The following PPFIBP2 variants were observed in gnomAD, a reference collection of about 807,000 sequenced individuals.
The protein encoded by PPFIBP2 is PPFIB scaffold protein 2.
A neutral mutation model predicts 118.3 loss-of-function variants in PPFIBP2; 118 were observed. The ratio of observed to expected loss-of-function variants is 1.00; its 90% confidence interval spans 0.86 to 1.16. The LOEUF (loss-of-function observed/expected upper bound fraction) is 1.16, where lower values mean the gene tolerates loss of function less well. PPFIBP2 is among the 50% of genes most tolerant of loss of function. PPFIBP2 has a pLI of 0.00. For missense variants in PPFIBP2, 1,195 were observed against 1,073.1 expected, an observed-to-expected ratio of 1.11 and a Z score of -1.59; for synonymous variants, 414 against 397.4, an observed-to-expected ratio of 1.04 and a Z score of -0.50.
At position 7,634,497 on chromosome 11, in the gene PPFIBP2, C is replaced by T; in HGVS notation, c.1139C>T (p.Ala380Val). The change falls in exon 13 of 24, where the codon GCT (alanine) becomes GTT (valine). Residue 380 changes from alanine (A) to valine (V), a missense_variant and splice_region_variant. Physicochemically the swap from Ala to Val is moderately conservative, Grantham distance 64. Coordinates refer to ENST00000299492, the MANE Select transcript of PPFIBP2 (RefSeq NM_003621.5). ...TCTTTCTTTTGTGTTTTTTTCAGGG[C>T]TCAGAAAAAGCTCTCTTGTAGTCTA... ...PLPQKSLETR[A>V]QKKLSCSLED... 1 of 1,611,138 alleles carries T rather than the reference C, an allele frequency of 6.2e-7. No homozygotes were observed. The highest frequency in any genetic ancestry group is 1.3e-5 in the African/African-American group (1 of 74,896).
chr11:7,637,804 C>G (rs1051924194), intron 14 of PPFIBP2, among the ~76,000 whole-genome samples: 1 of 152,208 alleles, frequency 6.6e-6, no homozygotes, highest in African/African-American at 2.4e-5. Flanking sequence ...TTCCATTGTC[C>G]TTGATTCCTT....
chr11:7,524,403 G>A (rs1385680198), intron 1 of PPFIBP2, among the ~76,000 whole-genome samples: 1 of 152,162 alleles, frequency 6.6e-6, no homozygotes, highest in African/African-American at 2.4e-5. Flanking sequence ...AGGCAGTGGA[G>A]GTGTAGACTG....
intron 2 of PPFIBP2, among the ~76,000 whole-genome samples, chr11:7,564,026 C>T (rs1374482421): frequency 1.3e-5 from 2 of 152,014 alleles, no homozygotes; most frequent in African/African-American, 2.4e-5. Flanking sequence ...ATTAGCCAGG[C>T]GTGGTGGCGG....
chr11:7,651,615 G>T, intron 22 of PPFIBP2, 41 bp from the exon 23 acceptor site: 1 of 1,554,304 alleles, frequency 6.4e-7, no homozygotes. Context: ...CGAGCCATTT[G>T]TATTTGCTCC....
chr11:7,535,211 G>T (rs1851087861), intron 1 of PPFIBP2, among the ~76,000 whole-genome samples: 1 of 152,362 alleles, frequency 6.6e-6, no homozygotes, highest in African/African-American at 2.4e-5. Flanking sequence ...CCATGTCTCA[G>T]CCAAGATTCA....
intron 9 of PPFIBP2, 99 bp downstream of exon 9, chr11:7,628,445 A>G: frequency 1.8e-6 from 2 of 1,109,024 alleles, no homozygotes. Flanking sequence ...GACCATGCTT[A>G]TCATGCCATT....
At chr11:7,654,016 C>A (rs1185889154), downstream of PPFIBP2, among the ~76,000 whole-genome samples, 1 of 152,242 alleles carries the variant, frequency 6.6e-6, no homozygotes, top group Non-Finnish European at 1.5e-5. Flanking sequence ...CATGCACATC[C>A]TGACCATAGG....
intron 21 of PPFIBP2, 57 bp from the exon 22 acceptor site, chr11:7,650,783 G>T: frequency 2.5e-6 from 4 of 1,585,520 alleles, no homozygotes; most frequent in Middle Eastern, 1.8e-4. Flanking sequence ...ACTCCACAGA[G>T]GACCATGGTG....
chr11:7,632,411 G>C (rs1378105765), intron 11 of PPFIBP2: 1 of 166,696 alleles, frequency 6.0e-6, no homozygotes, highest in Non-Finnish European at 1.3e-5. Flanking sequence ...GCAGGGAGTA[G>C]ATGTTGCTGA....
At chr11:7,546,252 G>C (rs986832925) in intron 1 of PPFIBP2, among the ~76,000 whole-genome samples, 11 of 152,202 alleles carry the variant, frequency 7.2e-5, no homozygotes, top group Non-Finnish European at 1.0e-4. Flanking sequence ...TGCATATGTG[G>C]AACCCTCTGT....
chr11:7,643,559 G>A (rs1024174016), intron 17 of PPFIBP2, among the ~76,000 whole-genome samples: 1 of 152,206 alleles, frequency 6.6e-6, no homozygotes, highest in African/African-American at 2.4e-5. Flanking sequence ...ATGAGAAAGG[G>A]AAGACGTATG....
rs116321198 is a variant in PPFIBP2 at position 7,527,533 on chromosome 11, G to A, written c.-37+13412G>A. The stretch of plus-strand genomic sequence containing the variant: ...TGTCTATGCTGAGAATGGTGATGAT[G>A]GGACCACAAGATGAACAGACATGTC... On this transcript the variant is annotated intron_variant, in intron 1 of 23. Transcript: ENST00000299492. Among the ~76,000 whole-genome samples the A allele has an allele frequency of 5.6e-3, 852 of 152,268 alleles. 12 individuals are homozygous for A. The highest frequency in any genetic ancestry group is 0.02 in the African/African-American group (812 of 41,534).
At chr11:7,663,743 C>A in the PPFIBP2 span, among the ~76,000 whole-genome samples, 1 of 152,244 alleles carries the variant, frequency 6.6e-6, no homozygotes, top group Non-Finnish European at 1.5e-5. Context: ...GCCCCTCCCC[C>A]AGCCTCGCTG....
downstream of PPFIBP2, chr11:7,656,634 C>G (rs1854715254): frequency 1.1e-6 from 1 of 905,696 alleles, no homozygotes; most frequent in Admixed American, 2.3e-5. Context: ...AGATGCAGCC[C>G]TCACCCAGTG....
intron 1 of PPFIBP2, among the ~76,000 whole-genome samples, chr11:7,543,110 A>G (rs931170512): frequency 1.3e-5 from 2 of 152,242 alleles, no homozygotes; most frequent in South Asian, 2.1e-4. Flanking sequence ...TAGCGCTGCC[A>G]TCAAATTCCT....
intron 7 of PPFIBP2, 113 bp downstream of exon 7, chr11:7,621,140 C>T: frequency 1.3e-6 from 1 of 761,502 alleles, no homozygotes; most frequent in South Asian, 1.6e-5. Flanking sequence ...AATCAACCCT[C>T]CAGTGTGGAC....
intron 3 of PPFIBP2, among the ~76,000 whole-genome samples, chr11:7,579,907 ATTCTC>A (rs1437474947): frequency 2.0e-5 from 3 of 151,982 alleles, no homozygotes; most frequent in Non-Finnish European, 4.4e-5. Context: ...TATTTTCACT[ATTCTC>A]TACCCTAAAC....
At chr11:7,609,909 G>C (rs534011876) in intron 5 of PPFIBP2, among the ~76,000 whole-genome samples, 98 of 152,192 alleles carry the variant, frequency 6.4e-4, no homozygotes, top group Non-Finnish European at 3.5e-4. Context: ...TTTTGGCTTT[G>C]AAAAAAATAT....
In PPFIBP2 at chr11:7,597,665, C is replaced by T. The variant is rs1431396030; in HGVS notation, c.478C>T (p.Leu160Phe). The T allele has an allele frequency of 2.0e-5, 32 of 1,613,666 alleles. No homozygotes were observed. Among genetic ancestry groups the T allele is most frequent in the Non-Finnish European group, 2.7e-5 (32 of 1,179,782 alleles). Residue 160 changes from leucine (L) to phenylalanine (F), a missense_variant, in exon 5 of 24, where the codon CTT (leucine) becomes TTT (phenylalanine). Physicochemically the swap from Leu to Phe is conservative, Grantham distance 22 (BLOSUM62 0). Transcript: ENST00000299492. ...QVKLNAAEEMLQQELLSRTSL... is the reference protein window; with the variant it reads ...QVKLNAAEEMFQQELLSRTSL... ...GAAACTCAATGCTGCTGAAGAGATG[C>T]TTCAACAGGTAAGGGCGGGTGCACT...
Sources: gnomAD v4.1 joint callset for allele counts (sites outside exome capture counted in the v4.1 genomes callset) on GRCh38, gnomAD v4.1.1 for gene constraint, MANE v1.5 for transcripts, NCBI Gene and HGNC (gene_info 2026-07-23, HGNC 2026-07-21) for gene names.